The following OPCML variants were observed in gnomAD, a reference collection of about 807,000 sequenced individuals.
The protein encoded by OPCML is opioid-binding protein/cell adhesion molecule.
A neutral mutation model predicts 37.8 loss-of-function variants in OPCML; 13 were observed. The ratio of observed to expected loss-of-function variants is 0.34; its 90% CI spans 0.22 to 0.55. The LOEUF (loss-of-function observed/expected upper bound fraction) is 0.55, where lower values mean the gene tolerates loss of function less well. OPCML is among the 20% of genes least tolerant of loss of function. The probability of loss-of-function intolerance (pLI) is 0.91; values close to 1 mark genes in which losing one functional copy is unlikely to be tolerated. For synonymous variants in OPCML, 176 were observed against 168.8 expected (o/e 1.04, Z -0.33); for missense variants, 341 against 435.6 (o/e 0.78, Z 1.93).
At chr11:132,651,118 C>T (rs1022406709) in intron 3 of OPCML, among the ~76,000 whole-genome samples, 1 of 152,134 alleles carries the variant, frequency 6.6e-6, no homozygotes. Flanking sequence ...ACCTCAGGGC[C>T]CACCCTTTTC....
intron 3 of OPCML, among the ~76,000 whole-genome samples, chr11:132,605,978 G>T (rs374075273): frequency 1.1e-3 from 160 of 152,250 alleles, no homozygotes; most frequent in African/African-American, 3.8e-3. Context: ...TACTTCTCCA[G>T]CTCTGTGAAT....
chr11:132,982,171 C>T (rs1050623538), intron 1 of OPCML, among the ~76,000 whole-genome samples: 11 of 152,116 alleles, frequency 7.2e-5, no homozygotes, highest in Non-Finnish European at 2.9e-5. Flanking sequence ...TTTTCTTCTG[C>T]CTTTGCTGCT....
intron 4 of OPCML, among the ~76,000 whole-genome samples, chr11:132,476,438 C>G (rs796717531): frequency 2.1e-4 from 32 of 152,178 alleles, no homozygotes; most frequent in African/African-American, 6.5e-4. Context: ...TTGGAACCAA[C>G]CCAAATGTCC....
At chr11:132,702,566 G>A (rs1167185299) in intron 2 of OPCML, among the ~76,000 whole-genome samples, 5 of 152,060 alleles carry the variant, frequency 3.3e-5, no homozygotes, top group African/African-American at 1.2e-4. Context: ...TCTATTTGGA[G>A]TTCTTTCATC....
At chr11:133,113,626 C>A (rs1464700800) in intron 1 of OPCML, among the ~76,000 whole-genome samples, 2 of 152,196 alleles carry the variant, frequency 1.3e-5, no homozygotes, top group Admixed American at 6.5e-5. Flanking sequence ...AAAGCTACAG[C>A]CAAACACTAG....
intron 1 of OPCML, among the ~76,000 whole-genome samples, chr11:132,993,681 G>A (rs893460624): frequency 5.3e-5 from 8 of 152,148 alleles, no homozygotes; most frequent in Non-Finnish European, 1.2e-4. Context: ...GACAGGGACA[G>A]AGAAAGATCT....
At chr11:133,154,577 T>C (rs1052837032) in intron 1 of OPCML, among the ~76,000 whole-genome samples, 19 of 149,512 alleles carry the variant, frequency 1.3e-4, no homozygotes, top group African/African-American at 4.4e-4. Context: ...TAAAAAAGAA[T>C]AGAAGTAAAA....
intron 7 of OPCML, chr11:132,435,199 A>AGCACAATGCAC (rs531991002): frequency 7.0e-4 from 900 of 1,289,768 alleles, no homozygotes; most frequent in Non-Finnish European, 8.5e-4. Context: ...AGACACACAC[A>AGCACAATGCAC]GCACAATGCA....
intron 1 of OPCML, among the ~76,000 whole-genome samples, chr11:133,009,878 G>A (rs1177286479): frequency 6.6e-6 from 1 of 152,204 alleles, no homozygotes; most frequent in African/African-American, 2.4e-5. Context: ...CCACAGCCCA[G>A]AGGTTGGGGA....
At chr11:132,996,928 G>T (rs1439877590) in intron 1 of OPCML, among the ~76,000 whole-genome samples, 1 of 152,212 alleles carries the variant, frequency 6.6e-6, no homozygotes, top group Non-Finnish European at 1.5e-5. Context: ...CAGGTCCTAA[G>T]GGGCCGTCTC....
chr11:132,773,776 C>A (rs1181429969), intron 2 of OPCML, among the ~76,000 whole-genome samples: 1 of 152,150 alleles, frequency 6.6e-6, no homozygotes, highest in Non-Finnish European at 1.5e-5. Context: ...TTATCAGCCT[C>A]CTCTGGCTGT....
intron 1 of OPCML, among the ~76,000 whole-genome samples, chr11:133,060,857 C>T (rs144024354): frequency 2.4e-4 from 36 of 152,346 alleles, no homozygotes; most frequent in Non-Finnish European, 4.6e-4. Context: ...GGGCATCAGC[C>T]AGTGGGCCCA....
At chr11:132,714,595 C>A (rs1944397670) in intron 2 of OPCML, among the ~76,000 whole-genome samples, 1 of 152,112 alleles carries the variant, frequency 6.6e-6, no homozygotes, top group South Asian at 2.1e-4. Flanking sequence ...TGACTTTGGG[C>A]TCTGAAGCTT....
intron 4 of OPCML, among the ~76,000 whole-genome samples, chr11:132,449,495 G>T (rs750888148): frequency 6.6e-6 from 1 of 152,014 alleles, no homozygotes; most frequent in Non-Finnish European, 1.5e-5. Context: ...TGTCCTCCTC[G>T]CCTTTACTAA....
In OPCML at chr11:132,976,760, GGTTT is replaced by G. The variant is rs373976524; in HGVS notation, c.62-33754_62-33751del. Reference sequence around the variant, plus strand: ...AAGCCCTAGTTCAGCTACTCTTCTCGGTTTGTTTTTCATTTATTTATTAAATTAC... The same window carrying G: ...AAGCCCTAGTTCAGCTACTCTTCTCGGTTTTTCATTTATTTATTAAATTAC... On this transcript the variant is annotated intron_variant, in intron 1 of 7. Coordinates refer to ENST00000524381, the MANE Select transcript of OPCML (RefSeq NM_001012393.5). 6.5e-3 allele frequency among the ~76,000 whole-genome samples: 989 copies of G among 151,878 alleles called. 14 individuals are homozygous for G. Among genetic ancestry groups the G allele is most frequent in the African/African-American group, 0.023 (959 of 41,418 alleles).
intron 1 of OPCML, among the ~76,000 whole-genome samples, chr11:133,332,040 C>T (rs115933350): frequency 0.016 from 2,401 of 152,184 alleles, 68 homozygotes; most frequent in African/African-American, 0.053. Flanking sequence ...GTCATTTGAA[C>T]GATAATGATT....
At chr11:132,749,391 A>G (rs1286514955) in intron 2 of OPCML, among the ~76,000 whole-genome samples, 1 of 152,214 alleles carries the variant, frequency 6.6e-6, no homozygotes, top group Non-Finnish European at 1.5e-5. Flanking sequence ...TGAACTTGTC[A>G]TCCAAGACGA....
In OPCML at chr11:132,923,092, A is replaced by AAATAAATAAATAAAT. The variant is rs151184353; in HGVS notation, c.146+19833_146+19834insATTTATTTATTTATT. 1.4e-3 allele frequency among the ~76,000 whole-genome samples: 211 copies of AAATAAATAAATAAAT among 148,676 alleles called. 2 individuals carry two copies. The South Asian group carries it at 0.019, about 13-fold the overall frequency. On this transcript the variant is annotated intron_variant, in intron 2 of 7. Transcript: ENST00000524381. ...CCGTCTCAGAAAAAAATAAATAAAT[A>AAATAAATAAATAAAT]AATAATAATAATAATAATAATATGG... is the stretch of plus-strand genomic sequence containing the variant.
At chr11:133,462,877 T>C (rs1268210230) in intron 1 of OPCML, among the ~76,000 whole-genome samples, 1 of 152,194 alleles carries the variant, frequency 6.6e-6, no homozygotes, top group African/African-American at 2.4e-5. Context: ...CAGATATTTA[T>C]GTGGCCATGT....
Sources: allele counts gnomAD v4.1 joint callset (sites outside exome capture counted in the v4.1 genomes callset), GRCh38; gene constraint gnomAD v4.1.1; transcripts MANE v1.5; gene names NCBI Gene and HGNC (gene_info 2026-07-23, HGNC 2026-07-21).